MYO3B: variants seen among roughly 807,000 people sequenced by gnomAD.
MYO3B encodes the protein myosin IIIB.
A neutral mutation model predicts 174.6 loss-of-function variants in MYO3B; 156 were observed. That is an observed-to-expected ratio of 0.89 (90% CI 0.78 to 1.02). The LOEUF (loss-of-function observed/expected upper bound fraction) is 1.02, where lower values mean the gene tolerates loss of function less well. Among genes scored for constraint, MYO3B ranks in the 50% least tolerant of loss-of-function variants. The pLI, the probability that MYO3B is intolerant of heterozygous loss-of-function variation, is 0.00. For synonymous variants in MYO3B, 563 were observed against 569.1 expected, an observed-to-expected ratio of 0.99 and a Z score of 0.15; for missense variants, 1,632 against 1,639.4, an observed-to-expected ratio of 1.00 and a Z score of 0.08.
At chr2:170,446,087 C>A (rs1350311333) in intron 23 of MYO3B, among the ~76,000 whole-genome samples, 2 of 152,228 alleles carry the variant, frequency 1.3e-5, no homozygotes, top group African/African-American at 4.8e-5. Context: ...AGAGCATCAT[C>A]TTCTTTGACA....
Position 170,624,127 on chromosome 2 carries a change from G to T in MYO3B, c.3734-27501G>T, listed in dbSNP as rs529320224. Among the ~76,000 whole-genome samples, 4 of 152,304 alleles carry T rather than the reference G, an allele frequency of 2.6e-5. 1 individual carries two copies. In the East Asian group the frequency reaches 7.7e-4, roughly 29 times the overall value. ...CTGTGAAGAAAGTCATTGGTAGCTTGATGGGGATGGCATTGCATCTATAAA... is the reference window on the plus strand; with the variant it reads ...CTGTGAAGAAAGTCATTGGTAGCTTTATGGGGATGGCATTGCATCTATAAA... On this transcript the variant is annotated intron_variant, in intron 32 of 34. Coordinates refer to ENST00000408978, the MANE Select transcript of MYO3B (RefSeq NM_138995.5).
intron 32 of MYO3B, among the ~76,000 whole-genome samples, chr2:170,594,765 T>C (rs1032607833): frequency 6.6e-6 from 1 of 152,064 alleles, no homozygotes; most frequent in African/African-American, 2.4e-5. Flanking sequence ...CAGCCTTTCC[T>C]ACCTTGCTTT....
At chr2:170,297,471 C>A (rs187419253) in intron 7 of MYO3B, among the ~76,000 whole-genome samples, 1 of 151,970 alleles carries the variant, frequency 6.6e-6, no homozygotes, top group Admixed American at 6.6e-5. Flanking sequence ...TCTGCTTTTC[C>A]CAGGAAGTAA....
At chr2:170,637,171 G>GTTT (rs33947498) in intron 32 of MYO3B, among the ~76,000 whole-genome samples, 1 of 125,302 alleles carries the variant, frequency 8.0e-6, no homozygotes, top group Non-Finnish European at 1.7e-5. Flanking sequence ...AGAGTGTAGG[G>GTTT]TTTTTTTTTT....
chr2:170,374,599 A>G (rs571420504), intron 9 of MYO3B, among the ~76,000 whole-genome samples: 1 of 152,164 alleles, frequency 6.6e-6, no homozygotes, highest in East Asian at 1.9e-4. Flanking sequence ...GCTTGTTCAC[A>G]TAGAGCAGAA....
chr2:170,532,192 A>G (rs1281161979), intron 30 of MYO3B, among the ~76,000 whole-genome samples: 1 of 152,222 alleles, frequency 6.6e-6, no homozygotes, highest in Non-Finnish European at 1.5e-5. Context: ...GAATTTAATC[A>G]CGAGGAAACA....
At chr2:170,218,562 T>G (rs151327625) in intron 6 of MYO3B, among the ~76,000 whole-genome samples, 1 of 152,328 alleles carries the variant, frequency 6.6e-6, no homozygotes, top group African/African-American at 2.4e-5. Flanking sequence ...ATGGGTTATT[T>G]TCAGTCTGGC....
chr2:170,407,793 T>C lies in MYO3B; in HGVS notation c.2599T>C (p.Ser867Pro), dbSNP rs753839748. 1.9e-6 allele frequency: 3 copies of C among 1,614,086 alleles called. No individual in the cohort carries two copies. Among genetic ancestry groups the C allele is most frequent in the East Asian group, 4.5e-5 (2 of 44,870 alleles). ...PADVVVVLRT[S>P]ENKLLQQLFS... is the part of the protein sequence containing the mutation. ...CGATGTGGTTGTGGTCCTGAGAACGTCAGAAAACAAGCTTCTTCAGCAGCT... is the reference window on the plus strand; with the variant it reads ...CGATGTGGTTGTGGTCCTGAGAACGCCAGAAAACAAGCTTCTTCAGCAGCT... Residue 867 changes from serine (S) to proline (P), a missense_variant, in exon 22 of 35, where the codon TCA (serine) becomes CCA (proline). By Grantham distance (74) the Ser-to-Pro change is moderately conservative. Coordinates refer to ENST00000408978, the MANE Select transcript of MYO3B (RefSeq NM_138995.5).
intron 32 of MYO3B, among the ~76,000 whole-genome samples, chr2:170,574,610 T>C (rs1692671390): frequency 6.6e-6 from 1 of 152,158 alleles, no homozygotes. Context: ...AAATACTCTT[T>C]GTAAAGTTAA....
At chr2:170,477,842 A>G (rs980301274) in intron 25 of MYO3B, among the ~76,000 whole-genome samples, 6 of 151,910 alleles carry the variant, frequency 3.9e-5, no homozygotes, top group African/African-American at 1.5e-4. Flanking sequence ...ATTTCTTCTC[A>G]CATAAAAAAG....
chr2:170,193,365 G>T (rs2092562610), intron 1 of MYO3B, among the ~76,000 whole-genome samples: 1 of 151,322 alleles, frequency 6.6e-6, no homozygotes, highest in Non-Finnish European at 1.5e-5. Flanking sequence ...ATTCTTTTTG[G>T]TTTTGTTATC....
At chr2:170,424,499 C>G (rs1022523574) in intron 22 of MYO3B, among the ~76,000 whole-genome samples, 1 of 152,014 alleles carries the variant, frequency 6.6e-6, no homozygotes, top group African/African-American at 2.4e-5. Flanking sequence ...TGCCTGTGGT[C>G]CTGGCTACTC....
rs761027423 is a variant in MYO3B, at chr2:170,401,605, C to T, written c.2043C>T (p.Asp681=). ...TAGACAGGGCTGCGGACGTTCGAGA[C>T]GCCATGTCCAAAGCCCTGTATGGGA... ...NTVDRAADVR[D]AMSKALYGRL... The change falls in exon 18 of 35, where the codon GAC becomes GAT. Residue 681 remains aspartate, a synonymous_variant. Transcript: ENST00000408978. The T allele has an allele frequency of 2.6e-5, 42 of 1,613,952 alleles. No homozygotes were observed. The highest frequency in any genetic ancestry group is 9.9e-5 in the South Asian group (9 of 91,086).
intron 7 of MYO3B, among the ~76,000 whole-genome samples, chr2:170,275,015 A>G (rs527392485): frequency 1.0e-3 from 152 of 152,244 alleles, no homozygotes; most frequent in Non-Finnish European, 1.9e-3. Flanking sequence ...AGAAAGTACT[A>G]TTTCTCTACT....
chr2:170,508,569 G>T (rs1427464654), intron 28 of MYO3B, among the ~76,000 whole-genome samples: 3 of 152,182 alleles, frequency 2.0e-5, no homozygotes, highest in African/African-American at 7.2e-5. Context: ...AATAAGTTGT[G>T]TCTCCCTTAT....
intron 32 of MYO3B, among the ~76,000 whole-genome samples, chr2:170,607,010 A>G (rs895534664): frequency 4.5e-4 from 68 of 152,204 alleles, no homozygotes; most frequent in Non-Finnish European, 1.6e-4. Context: ...AAAAAAGCGA[A>G]ACTCCGTCTC....
rs1434904019 is a variant in MYO3B at position 170,654,122 on chromosome 2, T to G, written c.*1001T>G. 6.6e-6 allele frequency: 1 copy of G among 152,228 alleles called. No homozygotes were observed. The highest frequency in any genetic ancestry group is 1.5e-5 in the Non-Finnish European group (1 of 68,034). 9.4% of individuals were successfully genotyped at this position (152,228 alleles called of 1,614,324 possible). The stretch of plus-strand genomic sequence containing the variant: ...ATATGATTAGTCACTTTTCATACAC[T>G]ATAACCTCTGATTTTTCACTCAAGT... On this transcript the variant is annotated 3_prime_UTR_variant, in exon 35 of 35. Transcript: ENST00000408978.
chr2:170,383,693 A>C lies in MYO3B; in HGVS notation c.1186-17A>C. The C allele has an allele frequency of 1.3e-6, 2 of 1,591,586 alleles. No individual in the cohort carries two copies. The highest frequency in any genetic ancestry group is 2.2e-5 in the South Asian group (2 of 90,658). ...GATGGTCCAGGGGAGAGTTTCCTTTAATTATTTTTCCTTCAGTTTTCCAGA... is the reference window on the plus strand; with the variant it reads ...GATGGTCCAGGGGAGAGTTTCCTTTCATTATTTTTCCTTCAGTTTTCCAGA... On this transcript the variant is annotated splice_polypyrimidine_tract_variant and intron_variant, in intron 11 of 34. Coordinates refer to ENST00000408978, the MANE Select transcript of MYO3B (RefSeq NM_138995.5).
intron 21 of MYO3B, among the ~76,000 whole-genome samples, chr2:170,406,506 A>G (rs1460368257): frequency 6.6e-6 from 1 of 152,068 alleles, no homozygotes; most frequent in African/African-American, 2.4e-5. Context: ...AGACATTGCA[A>G]TTCAGTTTTT....
Sources: gnomAD v4.1 joint callset for allele counts (sites outside exome capture counted in the v4.1 genomes callset) on GRCh38, gnomAD v4.1.1 for gene constraint, MANE v1.5 for transcripts, NCBI Gene and HGNC (gene_info 2026-07-23, HGNC 2026-07-21) for gene names.